PRUNE2: variants seen among roughly 807,000 people sequenced by gnomAD.
PRUNE2 encodes protein prune homolog 2.
A neutral mutation model predicts 252.0 loss-of-function variants in PRUNE2; 164 were observed. The ratio of observed to expected loss-of-function variants is 0.65; its 90% confidence interval spans 0.57 to 0.74. The LOEUF (loss-of-function observed/expected upper bound fraction) is 0.74. PRUNE2 is among the 30% of genes least tolerant of loss of function. PRUNE2 has a pLI of 0.00. For missense variants in PRUNE2, 3,495 were observed against 3,711.0 expected (o/e 0.94, Z 1.51); for synonymous variants, 1,292 against 1,350.2 (o/e 0.96, Z 0.94).
At chr9:76,754,614 C>T (rs572251904) in intron 6 of PRUNE2, among the ~76,000 whole-genome samples, 1 of 152,190 alleles carries the variant, frequency 6.6e-6, no homozygotes, top group African/African-American at 2.4e-5. Context: ...TGCATTTGAC[C>T]AGTTAGGTAG....
At chr9:76,753,854 C>T (rs370020464) in intron 6 of PRUNE2, among the ~76,000 whole-genome samples, 1 of 136,700 alleles carries the variant, frequency 7.3e-6, no homozygotes, top group African/African-American at 2.6e-5. Context: ...GGAGACGGAG[C>T]TTGCAGTGAG....
chr9:76,760,883 C>T (rs979986735), intron 6 of PRUNE2, among the ~76,000 whole-genome samples: 1 of 152,020 alleles, frequency 6.6e-6, no homozygotes, highest in African/African-American at 2.4e-5. Context: ...GCCAGAAGTT[C>T]GAGACCAGCC....
rs753381140 is a variant in PRUNE2 at position 76,644,829 on chromosome 9, G to T, written c.8638C>A (p.Arg2880=). ...YTAEEEREDN[R]LWRTVVIGEQ... is the part of the protein sequence containing the mutation. ...CCAATGACCACTGTCCTCCAAAGCC[G>T]GTTGTCCTCCCGTTCCTCTTCGGCC... The change falls in exon 12 of 19, where the codon CGG becomes AGG. Residue 2880 remains arginine, a synonymous_variant. Transcript: ENST00000376718. 4 of 1,613,714 alleles carry T rather than the reference G, an allele frequency of 2.5e-6. No individual in the cohort carries two copies. Among genetic ancestry groups the T allele is most frequent in the South Asian group, 2.2e-5 (2 of 91,082 alleles).
At chr9:76,899,198 C>T (rs564201298) in intron 1 of PRUNE2, among the ~76,000 whole-genome samples, 18 of 152,204 alleles carry the variant, frequency 1.2e-4, no homozygotes, top group Non-Finnish European at 1.8e-4. Flanking sequence ...GGAGAACCTA[C>T]GGTTCCAATG....
chr9:76,640,797 G>A (rs1226992992), intron 12 of PRUNE2, among the ~76,000 whole-genome samples: 3 of 152,158 alleles, frequency 2.0e-5, no homozygotes, highest in Non-Finnish European at 2.9e-5. Flanking sequence ...TCAGCATGAC[G>A]AAAAGACAGA....
intron 6 of PRUNE2, among the ~76,000 whole-genome samples, chr9:76,748,973 C>T (rs1000287282): frequency 6.6e-6 from 1 of 152,130 alleles, no homozygotes; most frequent in African/African-American, 2.4e-5. Flanking sequence ...CCACTCCCGA[C>T]CTCCGTAAGC....
intron 6 of PRUNE2, among the ~76,000 whole-genome samples, chr9:76,746,721 A>G (rs1337035927): frequency 1.8e-4 from 26 of 148,406 alleles, no homozygotes; most frequent in African/African-American, 5.9e-4. Context: ...CAAAAAAAAA[A>G]AAAAAAAAAA....
In PRUNE2 at chr9:76,816,889, G is replaced by A. The variant is rs73653215; in HGVS notation, c.756+6743C>T. Among the ~76,000 whole-genome samples, 1,472 of 152,168 alleles carry A rather than the reference G, an allele frequency of 9.7e-3. 18 individuals carry two copies. The highest frequency in any genetic ancestry group is 0.034 in the African/African-American group (1,404 of 41,518). On this transcript the variant is annotated intron_variant, in intron 6 of 18. Coordinates refer to ENST00000376718, the MANE Select transcript of PRUNE2 (RefSeq NM_015225.3). ...AAAACAGACTTTTTCCTTCCTACACGATCTGTCCTATCCAATCCTTCTTTC... is the reference window on the plus strand; with the variant it reads ...AAAACAGACTTTTTCCTTCCTACACAATCTGTCCTATCCAATCCTTCTTTC...
Position 76,708,478 on chromosome 9 carries a change from C to G in PRUNE2, c.3796G>C (p.Asp1266His). 1 of 1,613,960 alleles carries G rather than the reference C, an allele frequency of 6.2e-7. No individual in the cohort carries two copies. Among genetic ancestry groups the G allele is most frequent in the Non-Finnish European group, 8.5e-7 (1 of 1,179,892 alleles). ...CTGGTTCCAGAGGCTGCTGGCGCATCTGGGGAATGAGTGTCTTTAACATTT... is the reference window on the plus strand; with the variant it reads ...CTGGTTCCAGAGGCTGCTGGCGCATGTGGGGAATGAGTGTCTTTAACATTT... Reference protein sequence around the residue: ...SANVKDTHSPDAPAASGTSES... With the variant: ...SANVKDTHSPHAPAASGTSES... Residue 1266 changes from aspartate to histidine, a missense_variant, in exon 8 of 19, where the codon GAT becomes CAT. By Grantham distance (81) the Asp-to-His change is moderately conservative (BLOSUM62 -1). Coordinates refer to ENST00000376718, the MANE Select transcript of PRUNE2 (RefSeq NM_015225.3).
chr9:76,884,414 G>A (rs1287884450), intron 1 of PRUNE2, among the ~76,000 whole-genome samples: 1 of 152,142 alleles, frequency 6.6e-6, no homozygotes, highest in African/African-American at 2.4e-5. Flanking sequence ...ACAAACTTCT[G>A]AACCCCAAAT....
chr9:76,748,107 T>TA (rs2050300079), intron 6 of PRUNE2, among the ~76,000 whole-genome samples: 1 of 152,174 alleles, frequency 6.6e-6, no homozygotes, highest in Non-Finnish European at 1.5e-5. Context: ...ACTTCTCTTA[T>TA]ACTAGGAATT....
intron 16 of PRUNE2, chr9:76,627,889 T>G (rs1835624831): frequency 2.4e-6 from 1 of 422,794 alleles, no homozygotes; most frequent in Non-Finnish European, 4.8e-6. Context: ...AATAGAGCAC[T>G]GCTATGCTTG....
chr9:76,661,451 C>T (rs1851398367), intron 9 of PRUNE2, among the ~76,000 whole-genome samples: 1 of 152,140 alleles, frequency 6.6e-6, no homozygotes, highest in Admixed American at 6.6e-5. Context: ...CCATGTTGGC[C>T]AGCCTGGTCT....
chr9:76,615,769 GT>G (rs58726178), intron 18 of PRUNE2, among the ~76,000 whole-genome samples: 10 of 93,992 alleles, frequency 1.1e-4, no homozygotes, highest in African/African-American at 2.8e-4. Context: ...TGTGTGTGTG[GT>G]TTTTTTTTTT....
At chr9:76,757,613 G>A (rs960301837) in intron 6 of PRUNE2, among the ~76,000 whole-genome samples, 2 of 152,166 alleles carry the variant, frequency 1.3e-5, no homozygotes, top group African/African-American at 4.8e-5. Context: ...AATAACTGAA[G>A]TGAGGAAGAA....
At chr9:76,798,446 T>C (rs571907970) in intron 6 of PRUNE2, among the ~76,000 whole-genome samples, 2 of 152,344 alleles carry the variant, frequency 1.3e-5, no homozygotes, top group Admixed American at 1.3e-4. Flanking sequence ...TTCATCCATG[T>C]TCTAGCGCGT....
intron 12 of PRUNE2, among the ~76,000 whole-genome samples, chr9:76,640,913 C>A (rs757370684): frequency 6.6e-6 from 1 of 152,182 alleles, no homozygotes; most frequent in Non-Finnish European, 1.5e-5. Flanking sequence ...CAGAGTGTTA[C>A]AGTAATTTCA....
At chr9:76,847,281 G>A (rs567795329) in intron 3 of PRUNE2, among the ~76,000 whole-genome samples, 48 of 151,122 alleles carry the variant, frequency 3.2e-4, no homozygotes, top group African/African-American at 1.0e-3. Flanking sequence ...AGCCAAGACC[G>A]TGCCACTGCA....
At chr9:76,641,954 G>A in intron 12 of PRUNE2, 1 of 1,513,880 alleles carries the variant, frequency 6.6e-7, no homozygotes, top group Non-Finnish European at 8.8e-7. Flanking sequence ...TGTCCAGCAA[G>A]ACTTCAGAGA....
Sources: allele counts gnomAD v4.1 joint callset (sites outside exome capture counted in the v4.1 genomes callset), GRCh38; gene constraint gnomAD v4.1.1; transcripts MANE v1.5; gene names NCBI Gene and HGNC (gene_info 2026-07-23, HGNC 2026-07-21).